Variants in HSPG2 observed in about 807,000 individuals in gnomAD.
HSPG2 encodes the protein basement membrane-specific heparan sulfate proteoglycan core protein.
HSPG2 carries 278 observed loss-of-function variants against 526.6 expected under a neutral mutation model. That is an observed-to-expected ratio of 0.53 (90% CI 0.48 to 0.58). The LOEUF (loss-of-function observed/expected upper bound fraction) is 0.58, where lower values mean the gene tolerates loss of function less well. Among genes scored for constraint, HSPG2 ranks in the 20% least tolerant of loss-of-function variants. The pLI, the probability that HSPG2 is intolerant of heterozygous loss-of-function variation, is 0.00. For synonymous variants in HSPG2, 2,465 were observed against 2,555.4 expected, an observed-to-expected ratio of 0.96 and a Z score of 1.07; for missense variants, 5,354 against 6,099.5, an observed-to-expected ratio of 0.88 and a Z score of 4.07.
chr1:21,833,657 G>C (rs766772807), intron 78 of HSPG2, 43 bp from the exon 79 acceptor site: 1 of 1,612,264 alleles, frequency 6.2e-7, no homozygotes, highest in African/African-American at 1.3e-5. Flanking sequence ...TTGGCCCACG[G>C]CTCCAGGGGC....
chr1:21,850,178 G>A lies in HSPG2; in HGVS notation c.7309C>T (p.Pro2437Ser), dbSNP rs775801829. ...AGSVPALGVT[P>S]TVRIESSSSQ... Reference sequence around the variant, plus strand: ...GACGATGACTCGATCCGGACCGTGGGGGTGACCCCAAGTGCTGGGGACAGA... The same window carrying A: ...GACGATGACTCGATCCGGACCGTGGAGGTGACCCCAAGTGCTGGGGACAGA... The change falls in exon 57 of 97, where the codon CCC (proline) becomes TCC (serine). Residue 2437 changes from proline to serine, a missense_variant. Coordinates refer to ENST00000374695, the MANE Select transcript of HSPG2 (RefSeq NM_005529.7). 3.7e-6 allele frequency: 6 copies of A among 1,613,382 alleles called. No homozygotes were observed. In the East Asian group the frequency reaches 1.3e-4, roughly 36 times the overall value.
At chr1:21,911,171 G>A (rs1412385169) in intron 1 of HSPG2, among the ~76,000 whole-genome samples, 1 of 152,198 alleles carries the variant, frequency 6.6e-6, no homozygotes, top group Non-Finnish European at 1.5e-5. Context: ...GTCGTTGGTA[G>A]GATCAAAGGA....
At position 21,855,903 on chromosome 1, in the gene HSPG2, G is replaced by C; in HGVS notation, c.5585C>G (p.Thr1862Ser). 6.2e-7 allele frequency: 1 copy of C among 1,610,018 alleles called. No homozygotes were observed. The highest frequency in any genetic ancestry group is 8.5e-7 in the Non-Finnish European group (1 of 1,179,970). The stretch of plus-strand genomic sequence containing the variant: ...GATGGAGACCACGGGGGCGGACAAG[G>C]TGCCCGAGGCTGACAAGGGAGGAAA... ...TATLHVQASG[T>S]LSAPVVSIHP... The change falls in exon 45 of 97, where the codon ACC becomes AGC. Residue 1862 changes from threonine (T) to serine (S), a missense_variant. Physicochemically the swap from Thr to Ser is moderately conservative, Grantham distance 58. Coordinates refer to ENST00000374695, the MANE Select transcript of HSPG2 (RefSeq NM_005529.7).
chr1:21,865,302 C>T lies in HSPG2; in HGVS notation c.4378G>A (p.Glu1460Lys), dbSNP rs947475856. Residue 1460 changes from glutamate to lysine, a missense_variant, in exon 35 of 97, where the codon GAG becomes AAG. By Grantham distance (56) the Glu-to-Lys change is moderately conservative (BLOSUM62 1). Coordinates refer to ENST00000374695, the MANE Select transcript of HSPG2 (RefSeq NM_005529.7). This position sits in a 1 kb window ranked among gnomAD's most constrained non-coding sequence, Gnocchi z 5.4. Reference sequence around the variant, plus strand: ...CCCCTTACCTCTCGGAACATGATCTCGTAGCTCCTCCTCTCAGGGCCCTGC... The same window carrying T: ...CCCCTTACCTCTCGGAACATGATCTTGTAGCTCCTCCTCTCAGGGCCCTGC... ...ALQGPERRSY[E>K]IMFREEFWRR... is the part of the protein sequence containing the mutation. 5 of 1,613,946 alleles carry T rather than the reference C, an allele frequency of 3.1e-6. No homozygotes were observed. The highest frequency in any genetic ancestry group is 1.1e-5 in the South Asian group (1 of 91,074).
In HSPG2 at chr1:21,859,497, G is replaced by A; in HGVS notation, c.5293+69C>T. On this transcript the variant is annotated intron_variant, in intron 42 of 96. Coordinates refer to ENST00000374695, the MANE Select transcript of HSPG2 (RefSeq NM_005529.7). The surrounding 1 kb of genome is among the most constrained non-coding windows in gnomAD (Gnocchi z 5.3). ...CTCCCAGCAGGTGAATGCACCATCT[G>A]CCTGAATCTGCAGCCTGCAGCCCAG... 1 of 1,225,574 alleles carries A rather than the reference G, an allele frequency of 8.2e-7. No homozygotes were observed. The highest frequency in any genetic ancestry group is 1.2e-6 in the Non-Finnish European group (1 of 850,732). 75.9% of individuals were successfully genotyped at this position (1,225,574 alleles called of 1,614,324 possible).
rs760897557 is a variant in HSPG2, at chr1:21,850,134, C to T, written c.7353G>A (p.Gly2451=). Residue 2451 remains glycine, a synonymous_variant, in exon 57 of 97, where the codon GGG becomes GGA. Transcript: ENST00000374695. ...CGAGGCAGTTCAGGTCCAGGGTCTG[C>T]CCCTCGGCCACTTGCGAAGACGATG... ...IESSSSQVAE[G]QTLDLNCLVA... The T allele has an allele frequency of 1.9e-6, 3 of 1,613,276 alleles. No individual in the cohort carries two copies. Among genetic ancestry groups the T allele is most frequent in the African/African-American group, 2.7e-5 (2 of 74,948 alleles).
intron 1 of HSPG2, among the ~76,000 whole-genome samples, chr1:21,913,329 C>A (rs138546134): frequency 2.0e-5 from 3 of 152,190 alleles, no homozygotes; most frequent in Admixed American, 6.5e-5. Flanking sequence ...CCCAGTCAGA[C>A]AGGCCCAGCC....
intron 1 of HSPG2, among the ~76,000 whole-genome samples, chr1:21,917,388 G>A (rs35189338): frequency 0.011 from 1,728 of 151,860 alleles, 21 homozygotes; most frequent in South Asian, 0.025. Context: ...GGCCATGATC[G>A]TGCCACTGCA....
rs746629853 is a variant in HSPG2 at position 21,831,298 on chromosome 1, C to T, written c.11479G>A (p.Gly3827Ser). 1.2e-6 allele frequency: 2 copies of T among 1,614,038 alleles called. No individual in the cohort carries two copies. The highest frequency in any genetic ancestry group is 4.5e-5 in the East Asian group (2 of 44,868). The change falls in exon 84 of 97, where the codon GGC becomes AGC. Residue 3827 changes from glycine (G) to serine (S), a missense_variant. Coordinates refer to ENST00000374695, the MANE Select transcript of HSPG2 (RefSeq NM_005529.7). Reference sequence around the variant, plus strand: ...AGGTCATGGAAGACGATCTCCTCGCCCTGGATGCGCAGCTCCCGGACACAG... The same window carrying T: ...AGGTCATGGAAGACGATCTCCTCGCTCTGGATGCGCAGCTCCCGGACACAG... ...IGCVRELRIQ[G>S]EEIVFHDLNL...
intron 1 of HSPG2, among the ~76,000 whole-genome samples, chr1:21,934,071 G>A (rs1188940443): frequency 6.6e-6 from 1 of 152,098 alleles, no homozygotes; most frequent in Admixed American, 6.5e-5. Context: ...AAGGCCTGCC[G>A]AGTCACCCAG....
intron 1 of HSPG2, among the ~76,000 whole-genome samples, chr1:21,932,957 G>A (rs909640636): frequency 1.3e-5 from 2 of 152,144 alleles, no homozygotes; most frequent in African/African-American, 2.4e-5. Flanking sequence ...AGTGGCTCAC[G>A]CCTATAATCC....
chr1:21,843,204 A>G (rs1470925709), intron 66 of HSPG2, 93 bp downstream of exon 66: 11 of 1,572,204 alleles, frequency 7.0e-6, no homozygotes, highest in African/African-American at 1.4e-5. Flanking sequence ...GCAGGCAACA[A>G]TAAGTGCCCG....
intron 39 of HSPG2, 148 bp from the exon 40 acceptor site, chr1:21,860,383 C>T (rs1388820840): frequency 3.5e-5 from 24 of 678,934 alleles, no homozygotes; most frequent in Non-Finnish European, 6.2e-5. Flanking sequence ...CCAGACAGGC[C>T]CCAACGCAGG....
chr1:21,831,442 G>T, intron 83 of HSPG2, 21 bp downstream of exon 83: 1 of 1,611,580 alleles, frequency 6.2e-7, no homozygotes, highest in Non-Finnish European at 8.5e-7. Flanking sequence ...AGCCTCAGCT[G>T]GAGGTGGGGA....
Position 21,864,195 on chromosome 1 carries a change from T to C in HSPG2, c.4645A>G (p.Thr1549Ala). The stretch of plus-strand genomic sequence containing the variant: ...AGGTAGAGCCCACTCCCGGTGCGCG[T>C]GTAGCCGGGGGCACAGTCCTAGGGG... ...LSCQDCAPGY[T>A]RTGSGLYLGH... The change falls in exon 37 of 97, where the codon ACG becomes GCG. Residue 1549 changes from threonine to alanine, a missense_variant. Thr to Ala is a moderately conservative substitution (Grantham distance 58). Transcript: ENST00000374695. This position sits in a 1 kb window ranked among gnomAD's most constrained non-coding sequence, Gnocchi z 4.8. The C allele has an allele frequency of 6.4e-7, 1 of 1,552,608 alleles. No individual in the cohort carries two copies. The highest frequency in any genetic ancestry group is 8.7e-7 in the Non-Finnish European group (1 of 1,147,894).
chr1:21,850,164 G>T lies in HSPG2; in HGVS notation c.7323C>A (p.Ile2441=), dbSNP rs757527255. The change falls in exon 57 of 97, where the codon ATC becomes ATA. Residue 2441 remains isoleucine (I), a synonymous_variant. Transcript: ENST00000374695. ...CGGCCACTTGCGAAGACGATGACTC[G>T]ATCCGGACCGTGGGGGTGACCCCAA... The part of the protein sequence containing the change: ...PALGVTPTVR[I]ESSSSQVAEG... 6.2e-7 allele frequency: 1 copy of T among 1,613,292 alleles called. No homozygotes were observed. The highest frequency in any genetic ancestry group is 1.3e-5 in the African/African-American group (1 of 74,956).
At chr1:21,868,088 G>C (rs1443184687) in intron 33 of HSPG2, among the ~76,000 whole-genome samples, 1 of 151,644 alleles carries the variant, frequency 6.6e-6, no homozygotes, top group Non-Finnish European at 1.5e-5. Flanking sequence ...GCCCAGGCTG[G>C]AGTGAAGTGG....
At position 21,831,543 on chromosome 1, in the gene HSPG2, T is replaced by A; in HGVS notation, c.11372A>T (p.Asp3791Val). The change falls in exon 83 of 97, where the codon GAT becomes GTT. Residue 3791 changes from aspartate (D) to valine (V), a missense_variant. Transcript: ENST00000374695. The stretch of plus-strand genomic sequence containing the variant: ...ACCCAGGTAGAGTTCCTCGTTCAGA[T>A]CCAGGCCCTGGAACTTGCCCTGGGG... ...GTSQGKFQGLDLNEELYLGGY... is the reference protein window; with the variant it reads ...GTSQGKFQGLVLNEELYLGGY... The A allele has an allele frequency of 6.2e-7, 1 of 1,613,952 alleles. No individual in the cohort carries two copies. Among genetic ancestry groups the A allele is most frequent in the Non-Finnish European group, 8.5e-7 (1 of 1,179,944 alleles).
rs746862315 is a variant in HSPG2, at chr1:21,824,795, G to A, written c.12590-16C>T. 1.9e-6 allele frequency: 3 copies of A among 1,606,882 alleles called. No homozygotes were observed. Among genetic ancestry groups the A allele is most frequent in the Non-Finnish European group, 2.6e-6 (3 of 1,176,242 alleles). The stretch of plus-strand genomic sequence containing the variant: ...CCAGGGGCATCTGTGGGAGAGAGGA[G>A]GGTGGTGCCATACCTGCTGCATCAG... On this transcript the variant is annotated splice_polypyrimidine_tract_variant and intron_variant, in intron 91 of 96. Transcript: ENST00000374695. The surrounding 1 kb of genome is among the most constrained non-coding windows in gnomAD (Gnocchi z 5.9).
Sources: gnomAD v4.1 joint callset for allele counts (sites outside exome capture counted in the v4.1 genomes callset) on GRCh38, gnomAD v4.1.1 for gene constraint, Gnocchi (gnomAD v3.1) non-coding constraint, MANE v1.5 for transcripts, NCBI Gene and HGNC (gene_info 2026-07-23, HGNC 2026-07-21) for gene names.